The following GPRC5A variants were observed in gnomAD, a reference collection of about 807,000 sequenced individuals.
GPRC5A encodes G protein-coupled receptor class C group 5 member A.
GPRC5A carries 19 observed loss-of-function variants against 22.5 expected under a neutral mutation model. That is an observed-to-expected ratio of 0.85 (90% CI 0.59 to 1.24). GPRC5A has a LOEUF of 1.24. Ranked by LOEUF, GPRC5A falls within the 50% of genes most tolerant of loss-of-function variation. The probability of loss-of-function intolerance (pLI) is 0.00; values close to 1 mark genes in which losing one functional copy is unlikely to be tolerated. For synonymous variants in GPRC5A, 192 were observed against 184.5 expected, an observed-to-expected ratio of 1.04 and a Z score of -0.33; for missense variants, 471 against 451.1, an observed-to-expected ratio of 1.04 and a Z score of -0.40.
rs776685698 is a variant in GPRC5A, at chr12:12,908,880, G to C, written c.631G>C (p.Ala211Pro). 1 of 1,614,058 alleles carries C rather than the reference G, an allele frequency of 6.2e-7. No individual in the cohort carries two copies. Among genetic ancestry groups the C allele is most frequent in the Non-Finnish European group, 8.5e-7 (1 of 1,179,992 alleles). ...GSFTGWKRHGAHIYLTMLLSI... is the reference protein window; with the variant it reads ...GSFTGWKRHGPHIYLTMLLSI... ...CTTCACGGGCTGGAAGAGACATGGG[G>C]CCCACATCTACCTCACGATGCTCCT... The change falls in exon 2 of 4, where the codon GCC (alanine) becomes CCC (proline). Residue 211 changes from alanine to proline, a missense_variant. Physicochemically the swap from Ala to Pro is conservative, Grantham distance 27. Transcript: ENST00000014914.
chr12:12,911,172 C>T (rs1864000175), intron 2 of GPRC5A, among the ~76,000 whole-genome samples: 1 of 151,828 alleles, frequency 6.6e-6, no homozygotes, highest in Non-Finnish European at 1.5e-5. Flanking sequence ...TGCCCAGCCA[C>T]GATCTCTTAA....
chr12:12,902,953 G>T (rs1203739061), intron 1 of GPRC5A, among the ~76,000 whole-genome samples: 2 of 152,200 alleles, frequency 1.3e-5, no homozygotes, highest in Admixed American at 6.5e-5. Flanking sequence ...TGTAATCCCA[G>T]CTACTCGGGA....
At chr12:12,893,923 G>T in intron 1 of GPRC5A, among the ~76,000 whole-genome samples, 1 of 152,088 alleles carries the variant, frequency 6.6e-6, no homozygotes, top group East Asian at 1.9e-4. Context: ...TACCACGCCT[G>T]GGTAATTTTT....
rs534431388 is a variant in GPRC5A, at chr12:12,903,062, C to T, written c.-7-5181C>T. ...AGCCTGGGCAACGGGAGTGAAACTC[C>T]GTCTCAAACAAAAAAGAAAAAAGAA... On this transcript the variant is annotated intron_variant, in intron 1 of 3. Transcript: ENST00000014914. 2.6e-5 allele frequency among the ~76,000 whole-genome samples: 4 copies of T among 151,680 alleles called. No individual in the cohort carries two copies. The South Asian group carries it at 6.3e-4, about 24-fold the overall frequency.
chr12:12,909,213 AG>A, intron 2 of GPRC5A, 42 bp downstream of exon 2: 2 of 1,314,772 alleles, frequency 1.5e-6, no homozygotes, highest in Non-Finnish European at 1.1e-6. Context: ...CCTTGTAGAA[AG>A]GTGGGGGAGA....
intron 1 of GPRC5A, among the ~76,000 whole-genome samples, chr12:12,902,776 GA>G (rs1346915535): frequency 6.7e-6 from 1 of 148,912 alleles, no homozygotes; most frequent in Non-Finnish European, 1.5e-5. Context: ...ATCTCAAAAA[GA>G]AAAAAAAGGG....
chr12:12,897,174 C>T (rs1335577718), intron 1 of GPRC5A, among the ~76,000 whole-genome samples: 3 of 135,144 alleles, frequency 2.2e-5, no homozygotes, highest in African/African-American at 5.5e-5. Context: ...CTGCAGTGAG[C>T]TGAGATCATG....
intron 1 of GPRC5A, among the ~76,000 whole-genome samples, chr12:12,894,771 G>GGTT (rs1863802628): frequency 2.9e-5 from 2 of 70,056 alleles, no homozygotes; most frequent in Non-Finnish European, 7.3e-5. Context: ...AGTCTAGGAT[G>GGTT]GTTTTTTTTT....
Position 12,908,708 on chromosome 12 carries a change from T to C in GPRC5A, c.459T>C (p.Ile153=), listed in dbSNP as rs1863970507. Residue 153 remains isoleucine (I), a synonymous_variant, in exon 2 of 4, where the codon ATT becomes ATC. Transcript: ENST00000014914. ...AGGATGTTATCGCTATTGAATATAT[T>C]GTCCTGACCATGAATAGGACCAACG... ...LVQDVIAIEY[I]VLTMNRTNVN... is the part of the protein sequence containing the mutation. The C allele has an allele frequency of 1.9e-6, 3 of 1,614,084 alleles. No individual in the cohort carries two copies. The highest frequency in any genetic ancestry group is 2.5e-6 in the Non-Finnish European group (3 of 1,179,908).
chr12:12,898,554 A>C (rs1034296206), intron 1 of GPRC5A, among the ~76,000 whole-genome samples: 6 of 152,132 alleles, frequency 3.9e-5, no homozygotes, highest in African/African-American at 1.4e-4. Flanking sequence ...AAAAGAAAAA[A>C]GAAAGGAAAC....
At chr12:12,903,306 G>A (rs1030991813) in intron 1 of GPRC5A, among the ~76,000 whole-genome samples, 1 of 151,772 alleles carries the variant, frequency 6.6e-6, no homozygotes, top group African/African-American at 2.4e-5. Flanking sequence ...AAATAGACAC[G>A]GTCTTATTCT....
intron 1 of GPRC5A, among the ~76,000 whole-genome samples, chr12:12,904,653 A>ATT (rs1334538242): frequency 6.6e-6 from 1 of 152,146 alleles, no homozygotes; most frequent in Non-Finnish European, 1.5e-5. Context: ...GGAGAGCCAA[A>ATT]TTTTATTAAA....
Position 12,916,665 on chromosome 12 carries a change from G to A in GPRC5A, c.*4126G>A, listed in dbSNP as rs979624750. ...GTCTTATTTTTGTGAAACCCTCCAA[G>A]GTATTTCCAGTCCATTTGCATCCAA... On this transcript the variant is annotated 3_prime_UTR_variant, in exon 4 of 4. Transcript: ENST00000014914. The A allele has an allele frequency of 2.0e-5, 3 of 152,350 alleles. 1 individual carries two copies. The highest frequency in any genetic ancestry group is 6.5e-5 in the Admixed American group (1 of 15,308). The allele number at this position is 152,350 out of a possible 1,614,324, so 9.4% of individuals were successfully genotyped here. A position where few individuals can be genotyped will look rare whatever the true frequency, so the allele number is the denominator to read the frequency against.
chr12:12,904,464 C>T (rs1489927467), intron 1 of GPRC5A, among the ~76,000 whole-genome samples: 1 of 151,982 alleles, frequency 6.6e-6, no homozygotes, highest in Non-Finnish European at 1.5e-5. Context: ...TGAGGGAAGG[C>T]GGTGGGAGGC....
rs1366350775 is a variant in GPRC5A at position 12,914,863 on chromosome 12, GC to G, written c.*2327del. ...TTGAACTCCTGATCTTAAGTGATCT[GC>G]CCGCCTTGGCCTCCCAAAGTGCTGG... On this transcript the variant is annotated 3_prime_UTR_variant, in exon 4 of 4. Coordinates refer to ENST00000014914, the MANE Select transcript of GPRC5A (RefSeq NM_003979.4). 1 of 151,822 alleles carries G rather than the reference GC, an allele frequency of 6.6e-6. No homozygotes were observed. Among genetic ancestry groups the G allele is most frequent in the Non-Finnish European group, 1.5e-5 (1 of 68,040 alleles). The allele number at this position is 151,822 out of a possible 1,614,324, so 9.4% of individuals were successfully genotyped here.
chr12:12,900,891 C>CAAAAAAAAAAAAAAAAA (rs756416857), intron 1 of GPRC5A, among the ~76,000 whole-genome samples: 9 of 21,646 alleles, frequency 4.2e-4, no homozygotes, highest in Admixed American at 1.1e-3. Context: ...AACTCCGTCT[C>CAAAAAAAAAAAAAAAAA]AAAAAAAAAA....
At chr12:12,905,133 C>T (rs1863928230) in intron 1 of GPRC5A, among the ~76,000 whole-genome samples, 1 of 152,166 alleles carries the variant, frequency 6.6e-6, no homozygotes, top group African/African-American at 2.4e-5. Flanking sequence ...GATCTGCCCG[C>T]CTTGGCCTCC....
chr12:12,893,015 A>G (rs61912337), intron 1 of GPRC5A, among the ~76,000 whole-genome samples: 9,372 of 152,234 alleles, frequency 0.062, 355 homozygotes, highest in South Asian at 0.092. Context: ...GTGGGAAACA[A>G]GGGACCTCTC....
At chr12:12,909,970 G>A (rs2136461999) in intron 2 of GPRC5A, 1 of 140,288 alleles carries the variant, frequency 7.1e-6, no homozygotes, top group South Asian at 2.3e-4. Flanking sequence ...AAAGAATCAA[G>A]TGATTTTGCT....
Sources: allele counts gnomAD v4.1 joint callset (sites outside exome capture counted in the v4.1 genomes callset), GRCh38; gene constraint gnomAD v4.1.1; transcripts MANE v1.5; gene names NCBI Gene and HGNC (gene_info 2026-07-23, HGNC 2026-07-21).